Variants in ARHGEF7 observed in about 807,000 individuals in gnomAD.
The protein encoded by ARHGEF7 is Rho guanine nucleotide exchange factor 7.
A neutral mutation model predicts 109.8 loss-of-function variants in ARHGEF7; 33 were observed. The ratio of observed to expected loss-of-function variants is 0.30; its 90% CI spans 0.23 to 0.40. The LOEUF is 0.40. Among genes scored for constraint, ARHGEF7 ranks in the 10% least tolerant of loss-of-function variants. The probability of loss-of-function intolerance (pLI) is 1.00; values close to 1 mark genes in which losing one functional copy is unlikely to be tolerated. For missense variants in ARHGEF7, 938 were observed against 1,098.5 expected (o/e 0.85, Z 2.07); for synonymous variants, 458 against 424.6 (o/e 1.08, Z -0.97).
At chr13:111,136,132 C>G (rs1294967414) in intron 1 of ARHGEF7, among the ~76,000 whole-genome samples, 2 of 152,114 alleles carry the variant, frequency 1.3e-5, no homozygotes, top group Non-Finnish European at 2.9e-5. Context: ...AGCCTTGCAT[C>G]CCAGGGATGA....
chr13:111,267,794 C>T lies in ARHGEF7; in HGVS notation c.1073+124C>T, dbSNP rs2091787551. ...TAAAGGGTATGAATTTTAATTACCC[C>T]TCAAAATTAGTGCTTGAGAAGTACT... On this transcript the variant is annotated intron_variant, in intron 9 of 21. Coordinates refer to ENST00000646102, the MANE Select transcript of ARHGEF7 (RefSeq NM_001354046.2). 1.3e-5 allele frequency: 16 copies of T among 1,223,238 alleles called. No individual in the cohort carries two copies. In the South Asian group the frequency reaches 2.0e-4, roughly 15 times the overall value. 75.8% of individuals were successfully genotyped at this position (1,223,238 alleles called of 1,614,324 possible).
At chr13:111,193,403 T>C (rs1324005548) in intron 2 of ARHGEF7, among the ~76,000 whole-genome samples, 1 of 152,250 alleles carries the variant, frequency 6.6e-6, no homozygotes, top group East Asian at 1.9e-4. Flanking sequence ...CTTCACTTCC[T>C]TCTGCCTTTT....
Position 111,189,111 on chromosome 13 carries a change from A to G in ARHGEF7, c.253-16178A>G, listed in dbSNP as rs1403484918. On this transcript the variant is annotated intron_variant, in intron 2 of 21. Transcript: ENST00000646102. The stretch of plus-strand genomic sequence containing the variant: ...TGCCATTCTCATTTAAGGAAAAAGG[A>G]TAGGAGGTTGGCTGGAACACCTGAA... Among the ~76,000 whole-genome samples, 3 of 152,322 alleles carry G rather than the reference A, an allele frequency of 2.0e-5. No individual in the cohort carries two copies. In the East Asian group the frequency reaches 5.8e-4, roughly 29 times the overall value.
chr13:111,149,581 T>C (rs1006604205), intron 1 of ARHGEF7, among the ~76,000 whole-genome samples: 5 of 152,368 alleles, frequency 3.3e-5, no homozygotes, highest in East Asian at 1.9e-4. Context: ...AACCAATCAA[T>C]ACATAACCTT....
At chr13:111,249,922 C>T (rs771127260) in intron 8 of ARHGEF7, among the ~76,000 whole-genome samples, 1 of 152,204 alleles carries the variant, frequency 6.6e-6, no homozygotes, top group Non-Finnish European at 1.5e-5. Context: ...CTTCACTTTC[C>T]CACTGGCATA....
chr13:111,205,461 G>A (rs1384989138), intron 3 of ARHGEF7, 88 bp downstream of exon 3: 31 of 831,916 alleles, frequency 3.7e-5, no homozygotes, highest in Non-Finnish European at 4.8e-5. Flanking sequence ...AGCCAGGGGA[G>A]CATTACTGAA....
Position 111,283,382 on chromosome 13 carries a change from T to TCA in ARHGEF7, c.1950+20_1950+21dup. 1 of 1,537,942 alleles carries TCA rather than the reference T, an allele frequency of 6.5e-7. No individual in the cohort carries two copies. Among genetic ancestry groups the TCA allele is most frequent in the South Asian group, 1.2e-5 (1 of 83,972 alleles). On this transcript the variant is annotated intron_variant, in intron 16 of 21. Transcript: ENST00000646102. ...CAAGGAGGTGAGGTCCCTTGACCACTCAAACAGCCAGATGACGGTGAGCAT... is the reference window on the plus strand; with the variant it reads ...CAAGGAGGTGAGGTCCCTTGACCACTCACAAACAGCCAGATGACGGTGAGCAT...
chr13:111,141,632 AT>A (rs34263315), intron 1 of ARHGEF7, among the ~76,000 whole-genome samples: 13,895 of 145,762 alleles, frequency 0.095, 843 homozygotes, highest in Non-Finnish European at 0.14. Flanking sequence ...GTTCCTCCAT[AT>A]TTTTTTTTTT....
intron 1 of ARHGEF7, among the ~76,000 whole-genome samples, chr13:111,117,451 C>G (rs1278507379): frequency 2.0e-5 from 3 of 152,188 alleles, no homozygotes; most frequent in African/African-American, 7.2e-5. Context: ...TTTGATTCCC[C>G]CTGAGCTCCA....
At chr13:111,166,584 C>T (rs755057804) in intron 2 of ARHGEF7, among the ~76,000 whole-genome samples, 5 of 152,134 alleles carry the variant, frequency 3.3e-5, no homozygotes, top group Non-Finnish European at 7.3e-5. Flanking sequence ...TAGTTTTTAT[C>T]AAGAGGGTAG....
intron 13 of ARHGEF7, among the ~76,000 whole-genome samples, chr13:111,278,076 G>A (rs1198970206): frequency 2.6e-5 from 4 of 152,182 alleles, no homozygotes; most frequent in South Asian, 2.1e-4. Flanking sequence ...GCACGGCACC[G>A]CCCAAATGCA....
At chr13:111,154,269 T>C (rs2076120331) in intron 2 of ARHGEF7, among the ~76,000 whole-genome samples, 2 of 152,186 alleles carry the variant, frequency 1.3e-5, no homozygotes, top group Non-Finnish European at 1.5e-5. Context: ...TTCTGGTCGC[T>C]GGTGGTGCAG....
intron 16 of ARHGEF7, among the ~76,000 whole-genome samples, chr13:111,284,868 C>T (rs1285284928): frequency 4.6e-5 from 7 of 152,198 alleles, no homozygotes; most frequent in Non-Finnish European, 1.0e-4. Flanking sequence ...TGCAGGTGCC[C>T]TCGGAGCACG....
chr13:111,267,095 G>T (rs1488363088), intron 8 of ARHGEF7, among the ~76,000 whole-genome samples: 1 of 152,230 alleles, frequency 6.6e-6, no homozygotes, highest in African/African-American at 2.4e-5. Context: ...GGGGAGGAGA[G>T]GCACCTGATA....
chr13:111,241,311 A>G (rs2087736827), intron 6 of ARHGEF7: 1 of 1,536,188 alleles, frequency 6.5e-7, no homozygotes. Flanking sequence ...CAGAGCGTGC[A>G]GAAGACGAGG....
intron 2 of ARHGEF7, among the ~76,000 whole-genome samples, chr13:111,174,331 C>T (rs989301225): frequency 4.6e-5 from 7 of 152,158 alleles, no homozygotes; most frequent in Admixed American, 3.9e-4. Context: ...CTGTGGAATC[C>T]CTCTGTTGGC....
chr13:111,234,142 C>T (rs1400271705), intron 6 of ARHGEF7, among the ~76,000 whole-genome samples: 3 of 152,158 alleles, frequency 2.0e-5, no homozygotes, highest in Admixed American at 6.5e-5. Context: ...ACTATGAACC[C>T]ACGAGACCTT....
At chr13:111,153,440 AGACCGAAGACTG>A (rs1164824129) in intron 1 of ARHGEF7, among the ~76,000 whole-genome samples, 2 of 151,952 alleles carry the variant, frequency 1.3e-5, no homozygotes, top group Non-Finnish European at 2.9e-5. Context: ...GCTAGGGTAG[AGACCGAAGACTG>A]GACAGGAGGA....
chr13:111,266,937 G>T lies in ARHGEF7; in HGVS notation c.951-611G>T, dbSNP rs1463977506. 1 of 455,610 alleles carries T rather than the reference G, an allele frequency of 2.2e-6. No individual in the cohort carries two copies. Among genetic ancestry groups the T allele is most frequent in the African/African-American group, 2.0e-5 (1 of 50,190 alleles). The allele number at this position is 455,610 out of a possible 1,614,324, so 28.2% of individuals were successfully genotyped here. ...ACCCAACACTGAGGCGGCACCACCA[G>T]GGGCCCTGATGCCCACAGCTTGTGC... On this transcript the variant is annotated intron_variant, in intron 8 of 21. Coordinates refer to ENST00000646102, the MANE Select transcript of ARHGEF7 (RefSeq NM_001354046.2). The surrounding 1 kb of genome is among the most constrained non-coding windows in gnomAD (Gnocchi z 4.8).
Sources: gnomAD v4.1 joint callset for allele counts (sites outside exome capture counted in the v4.1 genomes callset) on GRCh38, gnomAD v4.1.1 for gene constraint, Gnocchi (gnomAD v3.1) non-coding constraint, MANE v1.5 for transcripts, NCBI Gene and HGNC (gene_info 2026-07-23, HGNC 2026-07-21) for gene names.